EBF2: variants seen among roughly 807,000 people sequenced by gnomAD.
The protein encoded by EBF2 is transcription factor COE2.
A neutral mutation model predicts 72.8 loss-of-function variants in EBF2; 21 were observed. The ratio of observed to expected loss-of-function variants is 0.29; its 90% CI spans 0.20 to 0.42. The LOEUF is 0.42. Ranked by LOEUF, EBF2 falls within the 10% of genes least tolerant of loss-of-function variation. The pLI, the probability that EBF2 is intolerant of heterozygous loss-of-function variation, is 1.00. For synonymous variants in EBF2, 299 were observed against 274.2 expected (o/e 1.09, Z -0.89); for missense variants, 637 against 731.2 (o/e 0.87, Z 1.49).
rs1801748359 is a variant in EBF2, at chr8:25,841,745, T to A, written c.*2864A>T. On this transcript the variant is annotated 3_prime_UTR_variant, in exon 16 of 16. Transcript: ENST00000520164. ...ACTCATTTTTACAGTACAAAAATTT[T>A]ATTTTTTTGTTAGGATAATTTAAAG... The A allele has an allele frequency of 6.6e-6, 1 of 152,182 alleles. No homozygotes were observed. Among genetic ancestry groups the A allele is most frequent in the Admixed American group, 6.5e-5 (1 of 15,276 alleles). 9.4% of individuals were successfully genotyped at this position (152,182 alleles called of 1,614,324 possible). A position where few individuals can be genotyped will look rare whatever the true frequency, so the allele number is the denominator to read the frequency against.
chr8:26,000,012 C>T (rs1285345015), intron 6 of EBF2, among the ~76,000 whole-genome samples: 1 of 152,152 alleles, frequency 6.6e-6, no homozygotes, highest in Non-Finnish European at 1.5e-5. Context: ...TGGCAGAAAA[C>T]TCCTGAGCAG....
rs552957308 is a variant in EBF2, at chr8:25,964,340, A to G, written c.552-55785T>C. On this transcript the variant is annotated intron_variant, in intron 6 of 15. Transcript: ENST00000520164. The stretch of plus-strand genomic sequence containing the variant: ...TTGCACACAACCAATCAATTAATCC[A>G]AGTATACGTTTAGGATTGGTTTTCT... Among the ~76,000 whole-genome samples, 33 of 152,278 alleles carry G rather than the reference A, an allele frequency of 2.2e-4. No homozygotes were observed. The South Asian group carries it at 6.7e-3, about 31-fold the overall frequency.
At chr8:25,914,007 T>C (rs17054568) in intron 6 of EBF2, among the ~76,000 whole-genome samples, 1,924 of 152,286 alleles carry the variant, frequency 0.013, 45 homozygotes, top group African/African-American at 0.044. Context: ...GGCTGGGTCA[T>C]AGAATCACAT....
At chr8:25,874,070 A>C (rs995719015) in intron 10 of EBF2, among the ~76,000 whole-genome samples, 2 of 152,178 alleles carry the variant, frequency 1.3e-5, no homozygotes, top group African/African-American at 4.8e-5. Flanking sequence ...AACAAGGAAT[A>C]GTTGTACTTG....
chr8:26,037,743 A>G (rs952028213), intron 5 of EBF2, among the ~76,000 whole-genome samples: 1 of 152,144 alleles, frequency 6.6e-6, no homozygotes, highest in Non-Finnish European at 1.5e-5. Flanking sequence ...TAACAACTAG[A>G]TTTCTCCTTG....
In EBF2 at chr8:25,887,803, G is replaced by T; in HGVS notation, c.882+39C>A. 5 of 1,495,858 alleles carry T rather than the reference G, an allele frequency of 3.3e-6. No homozygotes were observed. The South Asian group carries it at 5.7e-5, about 17-fold the overall frequency. The allele number at this position is 1,495,858 out of a possible 1,614,324, so 92.7% of individuals were successfully genotyped here. ...TTTCCCAGATCAAAACAATCTTTGG[G>T]CAAAAGGAAATCAGAGTAAGCCTGT... On this transcript the variant is annotated intron_variant, in intron 9 of 15. Coordinates refer to ENST00000520164, the MANE Select transcript of EBF2 (RefSeq NM_022659.4).
At chr8:26,021,138 G>A (rs963750692) in intron 6 of EBF2, among the ~76,000 whole-genome samples, 8 of 152,174 alleles carry the variant, frequency 5.3e-5, no homozygotes, top group Non-Finnish European at 1.0e-4. Flanking sequence ...TCCAGGGGAG[G>A]TGACAAGTCC....
At chr8:25,938,093 T>C (rs1290390135) in intron 6 of EBF2, among the ~76,000 whole-genome samples, 2 of 152,104 alleles carry the variant, frequency 1.3e-5, no homozygotes, top group African/African-American at 2.4e-5. Context: ...TTGAGCAGGG[T>C]GGGCTCGCTG....
chr8:25,854,055 A>G (rs1802035993), intron 14 of EBF2, among the ~76,000 whole-genome samples: 1 of 152,170 alleles, frequency 6.6e-6, no homozygotes, highest in Non-Finnish European at 1.5e-5. Flanking sequence ...ACATGGTAGG[A>G]GAAACCAGTA....
intron 6 of EBF2, among the ~76,000 whole-genome samples, chr8:25,930,857 A>G (rs1803467741): frequency 6.6e-6 from 1 of 152,192 alleles, no homozygotes; most frequent in African/African-American, 2.4e-5. Flanking sequence ...CAGTAGGCAT[A>G]TAGAACAACA....
chr8:26,009,291 G>C (rs544357682), intron 6 of EBF2, among the ~76,000 whole-genome samples: 1 of 152,068 alleles, frequency 6.6e-6, no homozygotes, highest in African/African-American at 2.4e-5. Flanking sequence ...TTGTGCTAAA[G>C]CCAAGTATAA....
chr8:25,858,814 T>A (rs962982974), intron 13 of EBF2, among the ~76,000 whole-genome samples: 1 of 151,778 alleles, frequency 6.6e-6, no homozygotes, highest in Non-Finnish European at 1.5e-5. Context: ...CACCCTGCCA[T>A]TGCGCCCGGC....
chr8:25,863,040 A>G (rs1238107826), intron 10 of EBF2, among the ~76,000 whole-genome samples: 1 of 146,906 alleles, frequency 6.8e-6, no homozygotes, highest in East Asian at 1.9e-4. Context: ...TTAAGTATAC[A>G]TAAACTTCTC....
Position 26,026,593 on chromosome 8 carries a change from T to C in EBF2, c.551+6492A>G, listed in dbSNP as rs541912857. On this transcript the variant is annotated intron_variant, in intron 6 of 15. Transcript: ENST00000520164. ...TCAGTCACGCCGAGGATGGACATTC[T>C]GTCAAATCTGTCACACAGTTGAATG... is the stretch of plus-strand genomic sequence containing the variant. Among the ~76,000 whole-genome samples the C allele has an allele frequency of 7.2e-5, 11 of 152,328 alleles. No individual in the cohort carries two copies. The South Asian group carries it at 2.3e-3, about 32-fold the overall frequency.
chr8:25,969,395 C>T (rs899054747), intron 6 of EBF2, among the ~76,000 whole-genome samples: 16 of 152,304 alleles, frequency 1.1e-4, no homozygotes, highest in African/African-American at 3.6e-4. Context: ...AGAAGATAAT[C>T]GAGACTCTTG....
rs745696631 is a variant in EBF2, at chr8:25,858,503, C to A, written c.1344G>T (p.Gly448=). The change falls in exon 14 of 16, where the codon GGG becomes GGT. Residue 448 remains glycine, a splice_region_variant and synonymous_variant. Coordinates refer to ENST00000520164, the MANE Select transcript of EBF2 (RefSeq NM_022659.4). The part of the protein sequence containing the change: ...ISESTQGNNQ[G]YIRNTSSISP... ...AGATGCTGCTTGTGTTGCGGATGTACCCTTGGCAACAAAGAAAAAGCCCAG... is the reference window on the plus strand; with the variant it reads ...AGATGCTGCTTGTGTTGCGGATGTAACCTTGGCAACAAAGAAAAAGCCCAG... 2 of 1,612,470 alleles carry A rather than the reference C, an allele frequency of 1.2e-6. No individual in the cohort carries two copies. Among genetic ancestry groups the A allele is most frequent in the African/African-American group, 1.3e-5 (1 of 74,760 alleles).
chr8:26,005,561 T>TATATATATAGAG (rs375386709), intron 6 of EBF2, among the ~76,000 whole-genome samples: 70 of 63,890 alleles, frequency 1.1e-3, no homozygotes, highest in African/African-American at 4.6e-3. Context: ...TATATATATA[T>TATATATATAGAG]AGAGAGAGAG....
chr8:25,966,758 G>A (rs1804121351), intron 6 of EBF2, among the ~76,000 whole-genome samples: 1 of 152,150 alleles, frequency 6.6e-6, no homozygotes, highest in South Asian at 2.1e-4. Flanking sequence ...GTAAAGCCAG[G>A]CAGCCTGCAT....
intron 6 of EBF2, among the ~76,000 whole-genome samples, chr8:26,021,096 G>T (rs1805197082): frequency 6.6e-6 from 1 of 152,188 alleles, no homozygotes; most frequent in Non-Finnish European, 1.5e-5. Context: ...AAAGTGCACA[G>T]GGGCTGGACA....
Sources: allele counts gnomAD v4.1 joint callset (sites outside exome capture counted in the v4.1 genomes callset), GRCh38; gene constraint gnomAD v4.1.1; transcripts MANE v1.5; gene names NCBI Gene and HGNC (gene_info 2026-07-23, HGNC 2026-07-21).